Variants in IL5 observed in about 807,000 individuals in gnomAD.
The protein encoded by IL5 is interleukin-5.
IL5 carries 12 observed loss-of-function variants against 16.3 expected under a neutral mutation model. The observed-to-expected ratio is 0.74, with a 90% confidence interval of 0.47 to 1.20. The LOEUF (loss-of-function observed/expected upper bound fraction) is 1.20. IL5 is among the 50% of genes most tolerant of loss of function. The pLI, the probability that IL5 is intolerant of heterozygous loss-of-function variation, is 0.00. For missense variants in IL5, 159 were observed against 153.9 expected (o/e 1.03, Z -0.17); for synonymous variants, 54 against 56.6 (o/e 0.95, Z 0.21).
At chr5:132,550,266 A>G (rs941537139) in intron 1 of IL5, among the ~76,000 whole-genome samples, 1 of 152,114 alleles carries the variant, frequency 6.6e-6, no homozygotes, top group Non-Finnish European at 1.5e-5. Flanking sequence ...TCATGTTTAT[A>G]GCTTTGTTAC....
At chr5:132,551,889 T>G (rs1439451639) in intron 1 of IL5, among the ~76,000 whole-genome samples, 1 of 152,162 alleles carries the variant, frequency 6.6e-6, no homozygotes, top group Non-Finnish European at 1.5e-5. Context: ...AAATTGCAAT[T>G]TCTAAGAACG....
intron 1 of IL5, among the ~76,000 whole-genome samples, chr5:132,553,993 T>C (rs1349430356): frequency 1.3e-5 from 2 of 150,436 alleles, no homozygotes; most frequent in Admixed American, 1.3e-4. Context: ...AATGTTTATA[T>C]TTGCCAAAAC....
At chr5:132,551,979 A>G (rs145038405) in intron 1 of IL5, among the ~76,000 whole-genome samples, 1 of 152,298 alleles carries the variant, frequency 6.6e-6, no homozygotes, top group Admixed American at 6.5e-5. Context: ...AAAGTATTGT[A>G]AGAATAAAGA....
upstream of IL5, chr5:132,543,611 G>T (rs1345495496): frequency 6.5e-6 from 5 of 769,782 alleles, no homozygotes; most frequent in Non-Finnish European, 9.5e-6. Context: ...GCCTAATAAT[G>T]GCATATCGTG....
chr5:132,545,503 T>C (rs563189869), upstream of IL5, among the ~76,000 whole-genome samples: 265 of 151,880 alleles, frequency 1.7e-3, 1 homozygote, highest in African/African-American at 6.2e-3. Context: ...AAATAAAAAA[T>C]TGGGCTAAAC....
upstream of IL5, among the ~76,000 whole-genome samples, chr5:132,544,314 C>T (rs1749750193): frequency 6.6e-6 from 1 of 152,156 alleles, no homozygotes. Flanking sequence ...CTCTTTCTGA[C>T]AAGGGTCACA....
At chr5:132,550,530 G>C (rs1749867845) in intron 1 of IL5, among the ~76,000 whole-genome samples, 1 of 152,070 alleles carries the variant, frequency 6.6e-6, no homozygotes, top group East Asian at 1.9e-4. Context: ...CAACAAGTTG[G>C]CCAGGATGGT....
At chr5:132,548,451 C>T (rs1313332135), upstream of IL5, among the ~76,000 whole-genome samples, 1 of 152,172 alleles carries the variant, frequency 6.6e-6, no homozygotes, top group Non-Finnish European at 1.5e-5. Context: ...TTTTGTTGTA[C>T]TCGTTGAGTT....
chr5:132,548,590 A>C (rs969606790), intron 1 of IL5, among the ~76,000 whole-genome samples: 2 of 152,234 alleles, frequency 1.3e-5, no homozygotes, highest in Non-Finnish European at 2.9e-5. Flanking sequence ...AATCTCTCAC[A>C]TCCCAAAGAT....
At chr5:132,552,991 AT>A (rs1221254997) in intron 1 of IL5, among the ~76,000 whole-genome samples, 1 of 151,860 alleles carries the variant, frequency 6.6e-6, no homozygotes, top group Non-Finnish European at 1.5e-5. Flanking sequence ...GCCTCAGAGA[AT>A]TTTTTTATTA....
upstream of IL5, among the ~76,000 whole-genome samples, chr5:132,546,797 G>A (rs774503734): frequency 2.2e-4 from 34 of 151,952 alleles, no homozygotes; most frequent in Non-Finnish European, 4.0e-4. Flanking sequence ...AGGCTGAGGC[G>A]GGCAGATCAC....
chr5:132,556,594 A>C, intron 1 of IL5: 62 of 849,444 alleles, frequency 7.3e-5, no homozygotes, highest in East Asian at 2.1e-4. Flanking sequence ...ATCACATGTT[A>C]TGTGATCACT....
rs551231462 is a variant in IL5 at position 132,549,750 on chromosome 5, C to T, written c.43-6624G>A. On this transcript the variant is annotated intron_variant, in intron 1 of 2. Transcript: ENST00000450655. ...TAGTCCTTAAGGTCAAATGACTTTT[C>T]CATGAACTGATTCTAATCAACTGAG... Among the ~76,000 whole-genome samples the T allele has an allele frequency of 5.3e-5, 8 of 152,254 alleles. No homozygotes were observed. In the South Asian group the frequency reaches 1.7e-3, roughly 32 times the overall value.
intron 1 of IL5, among the ~76,000 whole-genome samples, chr5:132,549,575 T>C (rs1423520688): frequency 6.6e-6 from 1 of 152,240 alleles, no homozygotes; most frequent in African/African-American, 2.4e-5. Context: ...TGGTTGGTAA[T>C]TTTATAATTT....
At chr5:132,544,949 T>C (rs1749760202), upstream of IL5, among the ~76,000 whole-genome samples, 1 of 152,204 alleles carries the variant, frequency 6.6e-6, no homozygotes, top group Non-Finnish European at 1.5e-5. Context: ...AGTCTTGGAT[T>C]TCAGTGGCGG....
intron 1 of IL5, among the ~76,000 whole-genome samples, chr5:132,550,462 T>G (rs184156808): frequency 1.3e-5 from 2 of 151,940 alleles, no homozygotes; most frequent in Non-Finnish European, 1.5e-5. Context: ...AAGCTGGGAC[T>G]AAAGGCACGC....
chr5:132,547,865 T>C (rs1749818233), upstream of IL5, among the ~76,000 whole-genome samples: 1 of 152,092 alleles, frequency 6.6e-6, no homozygotes, highest in Non-Finnish European at 1.5e-5. Flanking sequence ...AAGTCAGCAG[T>C]TCGAGACCAG....
chr5:132,556,664 A>G, intron 1 of IL5: 1 of 1,243,242 alleles, frequency 8.0e-7, no homozygotes, highest in South Asian at 1.5e-5. Flanking sequence ...TAGTTTTGAC[A>G]CGAACTGACC....
upstream of IL5, among the ~76,000 whole-genome samples, chr5:132,547,867 C>T (rs916674555): frequency 1.1e-4 from 16 of 152,052 alleles, no homozygotes; most frequent in Non-Finnish European, 2.1e-4. Flanking sequence ...GTCAGCAGTT[C>T]GAGACCAGCC....
Sources: allele counts gnomAD v4.1 joint callset (sites outside exome capture counted in the v4.1 genomes callset), GRCh38; gene constraint gnomAD v4.1.1; transcripts MANE v1.5; gene names NCBI Gene and HGNC (gene_info 2026-07-23, HGNC 2026-07-21).